The following SIK2 variants were observed in gnomAD, a reference collection of about 807,000 sequenced individuals.
SIK2 encodes the protein salt inducible kinase 2, also known as serine/threonine-protein kinase SIK2.
SIK2 carries 29 observed loss-of-function variants against 103.2 expected under a neutral mutation model. That is an observed-to-expected ratio of 0.28 (90% CI 0.21 to 0.38). The LOEUF is 0.38. SIK2 is among the 10% of genes least tolerant of loss of function. SIK2 has a pLI of 1.00. For missense variants in SIK2, 879 were observed against 1,171.0 expected, an observed-to-expected ratio of 0.75 and a Z score of 3.64; for synonymous variants, 412 against 446.1, an observed-to-expected ratio of 0.92 and a Z score of 0.96.
chr11:111,713,046 T>C (rs1943545136), intron 9 of SIK2, among the ~76,000 whole-genome samples: 1 of 152,138 alleles, frequency 6.6e-6, no homozygotes, highest in Non-Finnish European at 1.5e-5. Flanking sequence ...ACACCTGTAA[T>C]CTGAGCTACT....
chr11:111,648,202 A>T (rs952804502), intron 3 of SIK2, among the ~76,000 whole-genome samples: 4 of 152,218 alleles, frequency 2.6e-5, no homozygotes, highest in African/African-American at 9.6e-5. Flanking sequence ...TTGGGTTTTT[A>T]AATATATTAT....
At chr11:111,692,088 T>C (rs1267458848) in intron 4 of SIK2, among the ~76,000 whole-genome samples, 1 of 151,780 alleles carries the variant, frequency 6.6e-6, no homozygotes, top group Non-Finnish European at 1.5e-5. Flanking sequence ...CGGTGGCTTA[T>C]GCCTGTAATC....
At chr11:111,623,799 C>T (rs540853826) in intron 3 of SIK2, among the ~76,000 whole-genome samples, 26 of 152,194 alleles carry the variant, frequency 1.7e-4, no homozygotes, top group Non-Finnish European at 1.0e-4. Context: ...GCTCAAGGGA[C>T]GGATCCCTCT....
chr11:111,703,345 G>T lies in SIK2; in HGVS notation c.870G>T (p.Glu290Asp). 6.2e-7 allele frequency: 1 copy of T among 1,614,152 alleles called. No individual in the cohort carries two copies. ...TCTATCCACAAGAGCAAGAAAATGA[G>T]CCATCCATCGGGGAGTTTAATGAGC... is the stretch of plus-strand genomic sequence containing the variant. Reference protein sequence around the residue: ...PVLYPQEQENEPSIGEFNEQV... With the variant: ...PVLYPQEQENDPSIGEFNEQV... Residue 290 changes from glutamate to aspartate, a missense_variant, in exon 7 of 15, where the codon GAG becomes GAT. Around this residue, in one of 7 missense-constraint regions of SIK2, gnomAD observed 99 missense variants for 153.9 expected, o/e 0.64. Transcript: ENST00000304987.
intron 3 of SIK2, among the ~76,000 whole-genome samples, chr11:111,639,239 A>G (rs903458622): frequency 6.6e-6 from 1 of 152,064 alleles, no homozygotes; most frequent in African/African-American, 2.4e-5. Flanking sequence ...ATTTCTTAGT[A>G]TCTAGCAAAG....
At position 111,730,755 on chromosome 11, in the gene SIK2, C is replaced by T. The variant is rs1944164923; in HGVS notation, c.*6626C>T. 1 of 151,956 alleles carries T rather than the reference C, an allele frequency of 6.6e-6. No homozygotes were observed. The highest frequency in any genetic ancestry group is 2.4e-5 in the African/African-American group (1 of 41,352). The allele number at this position is 151,956 out of a possible 1,614,324, so 9.4% of individuals were successfully genotyped here. ...GCAGTGTAATAAATAATCTCTGTAC[C>T]AAATAGTAATTTAAATGGGGTAATT... On this transcript the variant is annotated 3_prime_UTR_variant, in exon 15 of 15. Transcript: ENST00000304987.
rs1166317307 is a variant in SIK2 at position 111,672,722 on chromosome 11, C to T, written c.317-15279C>T. Among the ~76,000 whole-genome samples the T allele has an allele frequency of 2.0e-5, 3 of 152,242 alleles. No individual in the cohort carries two copies. The East Asian group carries it at 5.8e-4, about 29-fold the overall frequency. On this transcript the variant is annotated intron_variant, in intron 3 of 14. Coordinates refer to ENST00000304987, the MANE Select transcript of SIK2 (RefSeq NM_015191.3). ...TACTCTGAAATCTGTAGAAACAACA[C>T]CTTCAAGAGGATACAAGGACTTTTA...
At position 111,723,587 on chromosome 11, in the gene SIK2, C is replaced by G; in HGVS notation, c.2239C>G (p.Pro747Ala). ...GATAGCAGAGAGCTCCTACCCACAG[C>G]CAAGTCAGCAGCTGCCCCTTCCCCG... ...MQIAESSYPQPSQQLPLPRQE... is the reference protein window; with the variant it reads ...MQIAESSYPQASQQLPLPRQE... Residue 747 changes from proline (P) to alanine (A), a missense_variant, in exon 15 of 15, where the codon CCA (proline) becomes GCA (alanine). Pro to Ala is a conservative substitution (Grantham distance 27). Around this residue, in one of 7 missense-constraint regions of SIK2, gnomAD observed 375 missense variants for 416.3 expected, o/e 0.90. Transcript: ENST00000304987. 6.2e-7 allele frequency: 1 copy of G among 1,614,206 alleles called. No individual in the cohort carries two copies.
At chr11:111,690,272 CTTT>C (rs67405245) in intron 4 of SIK2, among the ~76,000 whole-genome samples, 8 of 130,450 alleles carry the variant, frequency 6.1e-5, no homozygotes, top group Non-Finnish European at 3.3e-5. Flanking sequence ...GAAGGTCTTT[CTTT>C]TTTTTTTTTT....
chr11:111,707,806 A>G (rs1401395834), intron 8 of SIK2, among the ~76,000 whole-genome samples: 1 of 152,212 alleles, frequency 6.6e-6, no homozygotes, highest in Non-Finnish European at 1.5e-5. Flanking sequence ...CAATACAAAG[A>G]TAACGTGAGC....
chr11:111,682,520 A>C (rs577892083), intron 3 of SIK2, among the ~76,000 whole-genome samples: 2 of 152,242 alleles, frequency 1.3e-5, no homozygotes, highest in Non-Finnish European at 2.9e-5. Context: ...GTTAGGTTTG[A>C]TAATGATATT....
In SIK2 at chr11:111,705,553, A is replaced by C. The variant is rs376038038; in HGVS notation, c.1101+414A>C. 4.6e-5 allele frequency among the ~76,000 whole-genome samples: 7 copies of C among 152,298 alleles called. No individual in the cohort carries two copies. The South Asian group carries it at 1.0e-3, about 23-fold the overall frequency. On this transcript the variant is annotated intron_variant, in intron 8 of 14. Coordinates refer to ENST00000304987, the MANE Select transcript of SIK2 (RefSeq NM_015191.3). The surrounding 1 kb of genome is among the most constrained non-coding windows in gnomAD (Gnocchi z 4.3). ...ACAAGATCATAAACAACCATCATTC[A>C]AAATAGGGAAAGATGAGAGCTGTAG...
At chr11:111,678,843 G>C (rs1331340247) in intron 3 of SIK2, among the ~76,000 whole-genome samples, 1 of 152,150 alleles carries the variant, frequency 6.6e-6, no homozygotes. Context: ...CCCCTTTAAG[G>C]GTTCTTTGCC....
At chr11:111,663,066 C>T (rs1248857538) in intron 3 of SIK2, among the ~76,000 whole-genome samples, 2 of 151,764 alleles carry the variant, frequency 1.3e-5, no homozygotes, top group Non-Finnish European at 2.9e-5. Context: ...AACCCCATCT[C>T]TACAAAAAAT....
chr11:111,655,609 C>T lies in SIK2; in HGVS notation c.317-32392C>T, dbSNP rs114277977. ...GAGGCTTTGACAATGGTAATGATGG[C>T]GGTGATAGATTTTCTTGGAAGACAG... is the stretch of plus-strand genomic sequence containing the variant. On this transcript the variant is annotated intron_variant, in intron 3 of 14. Transcript: ENST00000304987. Among the ~76,000 whole-genome samples, 296 of 152,136 alleles carry T rather than the reference C, an allele frequency of 1.9e-3. 2 individuals carry two copies. The highest frequency in any genetic ancestry group is 6.6e-3 in the African/African-American group (275 of 41,492).
At chr11:111,676,072 G>T (rs575743774) in intron 3 of SIK2, among the ~76,000 whole-genome samples, 1 of 152,302 alleles carries the variant, frequency 6.6e-6, no homozygotes, top group East Asian at 1.9e-4. Flanking sequence ...CTGCATCCAT[G>T]TTGCTGCAAA....
chr11:111,684,323 C>T (rs546093808), intron 3 of SIK2, among the ~76,000 whole-genome samples: 1 of 152,198 alleles, frequency 6.6e-6, no homozygotes, highest in South Asian at 2.1e-4. Context: ...TTTGGGGTCT[C>T]TTTCTATATA....
intron 3 of SIK2, among the ~76,000 whole-genome samples, chr11:111,645,580 G>A (rs1358233435): frequency 6.6e-6 from 1 of 152,080 alleles, no homozygotes; most frequent in Non-Finnish European, 1.5e-5. Context: ...CAGCACTTTG[G>A]GAGGCCAAGG....
chr11:111,703,478 T>C (rs1225438583), intron 7 of SIK2, 55 bp downstream of exon 7: 3 of 1,489,512 alleles, frequency 2.0e-6, no homozygotes, highest in Non-Finnish European at 2.8e-6. Flanking sequence ...TGAAATTTCA[T>C]GCTCACACCT....
Sources: allele counts gnomAD v4.1 joint callset (sites outside exome capture counted in the v4.1 genomes callset), GRCh38; gene constraint gnomAD v4.1.1; regional missense constraint gnomAD v4.1.1; non-coding constraint Gnocchi (gnomAD v3.1); transcripts MANE v1.5; gene names NCBI Gene and HGNC (gene_info 2026-07-23, HGNC 2026-07-21).